Variants in ENTREP2 observed in about 807,000 individuals in gnomAD.
ENTREP2 encodes protein ENTREP2.
At chr15:29,557,297 C>T in the ENTREP2 span, among the ~76,000 whole-genome samples, 1 of 152,166 alleles carries the variant, frequency 6.6e-6, no homozygotes, top group African/African-American at 2.4e-5. Context: ...GTGACCCGAA[C>T]TTTGACTCTC....
chr15:29,507,144 T>A, the ENTREP2 span, among the ~76,000 whole-genome samples: 10 of 151,260 alleles, frequency 6.6e-5, no homozygotes, highest in African/African-American at 2.4e-4. Flanking sequence ...CCAACAAAAA[T>A]CAAAAAAGAC....
chr15:29,652,785 C>A, the ENTREP2 span, among the ~76,000 whole-genome samples: 1 of 152,228 alleles, frequency 6.6e-6, no homozygotes, highest in Admixed American at 6.5e-5. Flanking sequence ...CGGCCGGACT[C>A]CACACTCACT....
At chr15:29,504,794 G>A in the ENTREP2 span, among the ~76,000 whole-genome samples, 1 of 152,198 alleles carries the variant, frequency 6.6e-6, no homozygotes, top group African/African-American at 2.4e-5. Context: ...AAATAATAAT[G>A]CATTCATAAC....
chr15:29,140,055 C>T, the ENTREP2 span, among the ~76,000 whole-genome samples: 1 of 152,194 alleles, frequency 6.6e-6, no homozygotes, highest in Non-Finnish European at 1.5e-5. Context: ...TGCGCCTTCC[C>T]ACCTCCTCCC....
chr15:29,370,074 G>A, the ENTREP2 span, among the ~76,000 whole-genome samples: 10 of 152,092 alleles, frequency 6.6e-5, no homozygotes, highest in Non-Finnish European at 1.5e-4. Context: ...CAGATATTCT[G>A]TTATGGCAAC....
the ENTREP2 span, among the ~76,000 whole-genome samples, chr15:29,577,184 G>T: frequency 6.6e-5 from 10 of 152,124 alleles, no homozygotes; most frequent in African/African-American, 2.4e-4. Flanking sequence ...TAGAACCCTT[G>T]TGCATTTCTG....
chr15:29,593,578 T>G, the ENTREP2 span, among the ~76,000 whole-genome samples: 1 of 152,232 alleles, frequency 6.6e-6, no homozygotes, highest in Admixed American at 6.5e-5. Flanking sequence ...TGTCCATGGC[T>G]TCCAGCTTGC....
the ENTREP2 span, among the ~76,000 whole-genome samples, chr15:29,160,672 G>A: frequency 1.0e-4 from 13 of 125,524 alleles, no homozygotes; most frequent in African/African-American, 3.6e-4. Context: ...TCACACCACC[G>A]CACTCCAGCC....
At chr15:29,416,379 A>G in the ENTREP2 span, among the ~76,000 whole-genome samples, 206 of 152,346 alleles carry the variant, frequency 1.4e-3, no homozygotes, top group Non-Finnish European at 2.1e-3. Flanking sequence ...CTAACCTGAC[A>G]AAAACGAGAA....
chr15:29,587,752 T>C, the ENTREP2 span, among the ~76,000 whole-genome samples: 1 of 152,254 alleles, frequency 6.6e-6, no homozygotes, highest in South Asian at 2.1e-4. Flanking sequence ...CTCTGCCGCC[T>C]GGTTCAAGCA....
the ENTREP2 span, among the ~76,000 whole-genome samples, chr15:29,602,695 G>T: frequency 1.3e-5 from 2 of 152,140 alleles, no homozygotes; most frequent in Admixed American, 1.3e-4. Context: ...GCACCAACAT[G>T]CCCGGCTAAT....
the ENTREP2 span, among the ~76,000 whole-genome samples, chr15:29,137,554 G>T: frequency 6.6e-6 from 1 of 152,168 alleles, no homozygotes; most frequent in African/African-American, 2.4e-5. Flanking sequence ...CGGCACTTCG[G>T]CTGGGTGTGG....
At chr15:29,302,642 A>AT in the ENTREP2 span, among the ~76,000 whole-genome samples, 1 of 151,832 alleles carries the variant, frequency 6.6e-6, no homozygotes, top group Non-Finnish European at 1.5e-5. Context: ...ATTACATCCC[A>AT]TTTTTTTCTG....
the ENTREP2 span, among the ~76,000 whole-genome samples, chr15:29,334,331 C>T: frequency 1.1e-4 from 17 of 152,252 alleles, no homozygotes; most frequent in African/African-American, 2.6e-4. Flanking sequence ...GGAGACTACG[C>T]GACTCTTACT....
At chr15:29,223,654 C>G in the ENTREP2 span, among the ~76,000 whole-genome samples, 1 of 152,136 alleles carries the variant, frequency 6.6e-6, no homozygotes, top group African/African-American at 2.4e-5. Flanking sequence ...GACACTAAAG[C>G]CCTGCTAAAC....
the ENTREP2 span, chr15:29,268,208 C>A: frequency 6.6e-6 from 1 of 151,972 alleles, no homozygotes; most frequent in Non-Finnish European, 1.5e-5. Context: ...AAGAAAAAAA[C>A]GAAGTGGAAC....
chr15:29,446,038 A>G, the ENTREP2 span, among the ~76,000 whole-genome samples: 27 of 152,312 alleles, frequency 1.8e-4, no homozygotes, highest in African/African-American at 6.3e-4. Flanking sequence ...GTGTTTTTCT[A>G]TATCTCGAAC....
chr15:29,441,630 A>G, the ENTREP2 span, among the ~76,000 whole-genome samples: 1 of 152,120 alleles, frequency 6.6e-6, no homozygotes, highest in Non-Finnish European at 1.5e-5. Flanking sequence ...TATAGACGAT[A>G]TTTTTTTAAT....
the ENTREP2 span, among the ~76,000 whole-genome samples, chr15:29,192,817 A>G: frequency 6.6e-6 from 1 of 152,224 alleles, no homozygotes; most frequent in African/African-American, 2.4e-5. Flanking sequence ...TACCACTCAA[A>G]AGTCAGTGTT....
Sources: allele counts gnomAD v4.1 joint callset (sites outside exome capture counted in the v4.1 genomes callset), GRCh38; gene constraint gnomAD v4.1.1; transcripts MANE v1.5; gene names NCBI Gene and HGNC (gene_info 2026-07-23, HGNC 2026-07-21).